Variants in C10orf90 observed in about 807,000 individuals in gnomAD.
C10orf90 encodes the protein (E2-independent) E3 ubiquitin-conjugating enzyme FATS.
C10orf90 carries 56 observed loss-of-function variants against 62.5 expected under a neutral mutation model. The observed-to-expected ratio is 0.90, with a 90% CI of 0.72 to 1.12. The LOEUF is 1.12. Among genes scored for constraint, C10orf90 ranks in the 50% most tolerant of loss-of-function variants. C10orf90 has a pLI of 0.00. For missense variants in C10orf90, 970 were observed against 880.4 expected (o/e 1.10, Z -1.29); for synonymous variants, 386 against 340.4 (o/e 1.13, Z -1.47).
At chr10:126,502,730 A>G in intron 4 of C10orf90, 1 of 489,484 alleles carries the variant, frequency 2.0e-6, no homozygotes, top group Non-Finnish European at 4.1e-6. Context: ...ATCATCATCA[A>G]TAAGGAAGAC....
chr10:126,530,626 A>C (rs938825227), intron 2 of C10orf90, among the ~76,000 whole-genome samples: 1 of 152,166 alleles, frequency 6.6e-6, no homozygotes, highest in African/African-American at 2.4e-5. Context: ...AGGTAGCCTC[A>C]CTGGAGACAA....
At chr10:126,490,320 G>A (rs75019993) in intron 4 of C10orf90, among the ~76,000 whole-genome samples, 7,280 of 151,316 alleles carry the variant, frequency 0.048, 595 homozygotes, top group African/African-American at 0.17. Context: ...ACCTAGAGTG[G>A]TCACATTCAC....
chr10:126,593,589 G>A (rs940976982), intron 2 of C10orf90, among the ~76,000 whole-genome samples: 1 of 152,084 alleles, frequency 6.6e-6, no homozygotes, highest in East Asian at 1.9e-4. Context: ...AATAGCTAAT[G>A]GATGCTGGGC....
chr10:126,430,113 T>C (rs536462293), intron 7 of C10orf90, among the ~76,000 whole-genome samples: 1 of 152,328 alleles, frequency 6.6e-6, no homozygotes, highest in East Asian at 1.9e-4. Context: ...AGCAACACCT[T>C]TGAATGCTTC....
At chr10:126,573,418 T>C (rs1220728742) in intron 2 of C10orf90, among the ~76,000 whole-genome samples, 1 of 152,194 alleles carries the variant, frequency 6.6e-6, no homozygotes, top group African/African-American at 2.4e-5. Flanking sequence ...TTTTAGTTTT[T>C]ACTTCTTTTT....
At chr10:126,574,790 G>A (rs1844576827) in intron 2 of C10orf90, among the ~76,000 whole-genome samples, 2 of 152,190 alleles carry the variant, frequency 1.3e-5, no homozygotes, top group Non-Finnish European at 1.5e-5. Context: ...TAATGTGAAA[G>A]GGTTATAAGG....
At chr10:126,523,653 C>G (rs192807108) in intron 2 of C10orf90, 3 of 152,286 alleles carry the variant, frequency 2.0e-5, no homozygotes, top group Admixed American at 2.0e-4. Flanking sequence ...TCCTAACATG[C>G]AAGCATTACC....
At chr10:126,631,788 C>T (rs934714283) in intron 2 of C10orf90, among the ~76,000 whole-genome samples, 9 of 151,624 alleles carry the variant, frequency 5.9e-5, no homozygotes, top group Non-Finnish European at 1.3e-4. Context: ...ACACCAAGAC[C>T]CAGCAAGCAG....
chr10:126,446,878 A>C (rs1326052304), intron 7 of C10orf90, among the ~76,000 whole-genome samples: 1 of 152,164 alleles, frequency 6.6e-6, no homozygotes, highest in Non-Finnish European at 1.5e-5. Context: ...AATCAAAAAC[A>C]TAAAATGTGA....
chr10:126,612,257 G>A (rs1298342641), intron 2 of C10orf90, among the ~76,000 whole-genome samples: 1 of 151,710 alleles, frequency 6.6e-6, no homozygotes, highest in East Asian at 2.0e-4. Context: ...GGATGTGGAG[G>A]TTGCAGTGAG....
At chr10:126,664,848 C>T (rs765448308) in intron 1 of C10orf90, among the ~76,000 whole-genome samples, 8 of 152,220 alleles carry the variant, frequency 5.3e-5, no homozygotes, top group Non-Finnish European at 7.3e-5. Context: ...CCTCACACCT[C>T]TTTAGGACCT....
chr10:126,526,353 T>C (rs1265945862), intron 2 of C10orf90, among the ~76,000 whole-genome samples: 2 of 151,620 alleles, frequency 1.3e-5, no homozygotes, highest in African/African-American at 2.4e-5. Context: ...CACGCCATTC[T>C]CCTGCCTCAG....
intron 2 of C10orf90, among the ~76,000 whole-genome samples, chr10:126,517,496 T>C (rs1863498302): frequency 6.6e-6 from 1 of 152,200 alleles, no homozygotes; most frequent in Non-Finnish European, 1.5e-5. Flanking sequence ...GTCTGAGTCC[T>C]GCCCTTTGCT....
At position 126,465,225 on chromosome 10, in the gene C10orf90, T is replaced by C. The variant is rs554075758; in HGVS notation, c.1535-239A>G. Reference sequence around the variant, plus strand: ...ATCTGCAGTGAGCAATAGAGTGAGTTAGCACCTTGATTCTGGGGCCAGAGT... The same window carrying C: ...ATCTGCAGTGAGCAATAGAGTGAGTCAGCACCTTGATTCTGGGGCCAGAGT... On this transcript the variant is annotated intron_variant, in intron 4 of 9. Coordinates refer to ENST00000488181, the MANE Select transcript of C10orf90 (RefSeq NM_001350921.2). Among the ~76,000 whole-genome samples, 8 of 152,278 alleles carry C rather than the reference T, an allele frequency of 5.3e-5. No homozygotes were observed. In the East Asian group the frequency reaches 1.4e-3, roughly 26 times the overall value.
chr10:126,596,386 A>C (rs76657310), intron 2 of C10orf90, among the ~76,000 whole-genome samples: 5,631 of 151,862 alleles, frequency 0.037, 292 homozygotes, highest in African/African-American at 0.12. Flanking sequence ...TAAAAAAAAA[A>C]AACAACAACA....
intron 2 of C10orf90, among the ~76,000 whole-genome samples, chr10:126,571,284 C>T (rs375536114): frequency 1.3e-5 from 2 of 152,192 alleles, no homozygotes; most frequent in Admixed American, 1.3e-4. Context: ...CGGCAGGGGG[C>T]TCCCACAAAC....
chr10:126,431,756 T>C (rs1202986224), intron 7 of C10orf90, among the ~76,000 whole-genome samples: 1 of 152,178 alleles, frequency 6.6e-6, no homozygotes, highest in Non-Finnish European at 1.5e-5. Flanking sequence ...GTTCAACTGT[T>C]TGTGGTCTAC....
At chr10:126,522,549 T>C (rs1311008829) in intron 2 of C10orf90, among the ~76,000 whole-genome samples, 2 of 152,232 alleles carry the variant, frequency 1.3e-5, no homozygotes, top group Non-Finnish European at 2.9e-5. Context: ...GTCTGGTCAG[T>C]GTCTCCGTCA....
intron 1 of C10orf90, among the ~76,000 whole-genome samples, chr10:126,654,520 T>A (rs1225723000): frequency 1.3e-5 from 2 of 152,248 alleles, no homozygotes; most frequent in Non-Finnish European, 1.5e-5. Flanking sequence ...TAGGGGAATG[T>A]TGTGGCTGGA....
Sources: allele counts gnomAD v4.1 joint callset (sites outside exome capture counted in the v4.1 genomes callset), GRCh38; gene constraint gnomAD v4.1.1; transcripts MANE v1.5; gene names NCBI Gene and HGNC (gene_info 2026-07-23, HGNC 2026-07-21).